GRIN2A: variants seen among roughly 807,000 people sequenced by gnomAD.
GRIN2A encodes the protein glutamate ionotropic receptor NMDA type subunit 2A.
In GRIN2A, 22 loss-of-function variants were observed where a neutral mutation model predicts 113.4. The observed-to-expected ratio is 0.19, with a 90% confidence interval of 0.14 to 0.28. The LOEUF is 0.28. Ranked by LOEUF, GRIN2A falls within the 10% of genes least tolerant of loss-of-function variation. The pLI is 1.00. For missense variants in GRIN2A, 1,502 were observed against 1,887.0 expected (o/e 0.80, Z 3.78); for synonymous variants, 827 against 738.4 (o/e 1.12, Z -1.94).
At chr16:9,932,165 C>T (rs563084992) in intron 3 of GRIN2A, among the ~76,000 whole-genome samples, 13 of 152,280 alleles carry the variant, frequency 8.5e-5, no homozygotes, top group African/African-American at 3.1e-4. Context: ...TTCCACTGGC[C>T]CCCAAACCTC....
At chr16:9,831,205 C>G (rs1011017911) in intron 8 of GRIN2A, among the ~76,000 whole-genome samples, 3 of 152,160 alleles carry the variant, frequency 2.0e-5, no homozygotes, top group Admixed American at 1.3e-4. Context: ...TGATGCCATC[C>G]TTTACAATAG....
rs1596376404 is a variant in GRIN2A, at chr16:9,764,259, G to T, written c.3285C>A (p.Pro1095=). ...NFKRSVASKY[P]KDCSEVERTY... is the part of the protein sequence containing the mutation. ...TGCGCTCGACCTCACTACAGTCCTT[G>T]GGGTATTTGGAGGCCACTGACCTTT... is the stretch of plus-strand genomic sequence containing the variant. Residue 1095 remains proline, a synonymous_variant, in exon 13 of 13, where the codon CCC becomes CCA. Coordinates refer to ENST00000330684, the MANE Select transcript of GRIN2A (RefSeq NM_001134407.3). 1 of 1,613,976 alleles carries T rather than the reference G, an allele frequency of 6.2e-7. No homozygotes were observed. Among genetic ancestry groups the T allele is most frequent in the Non-Finnish European group, 8.5e-7 (1 of 1,179,964 alleles).
chr16:9,866,747 C>T (rs773412817), intron 4 of GRIN2A, among the ~76,000 whole-genome samples: 2 of 152,146 alleles, frequency 1.3e-5, no homozygotes, highest in African/African-American at 4.8e-5. Context: ...AAACTGAAGG[C>T]CAGTTTTTTT....
At chr16:9,929,122 C>T (rs11074503) in intron 3 of GRIN2A, among the ~76,000 whole-genome samples, 33,492 of 152,190 alleles carry the variant, frequency 0.22, 4,116 homozygotes, top group Middle Eastern at 0.28. Context: ...TAAAGTTCCT[C>T]ATGGTTTAAA....
At chr16:9,848,058 A>G (rs2042808042) in intron 5 of GRIN2A, among the ~76,000 whole-genome samples, 1 of 146,876 alleles carries the variant, frequency 6.8e-6, no homozygotes, top group Non-Finnish European at 1.5e-5. Flanking sequence ...TAACATATAA[A>G]TATATATTTT....
intron 11 of GRIN2A, among the ~76,000 whole-genome samples, chr16:9,775,770 C>T (rs905079603): frequency 1.3e-5 from 2 of 152,188 alleles, no homozygotes; most frequent in African/African-American, 4.8e-5. Flanking sequence ...CTTAGTGGAC[C>T]CAAGGTTCTT....
At chr16:9,980,569 A>G (rs1170270797) in intron 2 of GRIN2A, among the ~76,000 whole-genome samples, 1 of 152,146 alleles carries the variant, frequency 6.6e-6, no homozygotes, top group Non-Finnish European at 1.5e-5. Context: ...TCACAATAGC[A>G]AAGACTTGGA....
chr16:10,174,376 C>G (rs909622219), intron 2 of GRIN2A, among the ~76,000 whole-genome samples: 1 of 152,166 alleles, frequency 6.6e-6, no homozygotes, highest in Non-Finnish European at 1.5e-5. Flanking sequence ...AAAATACACA[C>G]CCTCACAGAT....
intron 2 of GRIN2A, among the ~76,000 whole-genome samples, chr16:10,118,630 T>C (rs1193648955): frequency 2.0e-5 from 3 of 152,316 alleles, no homozygotes; most frequent in Middle Eastern, 3.4e-3. Flanking sequence ...GAAGAAAAGA[T>C]TCAAGTAGCA....
At chr16:9,798,719 T>C (rs746825205) in intron 10 of GRIN2A, among the ~76,000 whole-genome samples, 2 of 152,166 alleles carry the variant, frequency 1.3e-5, no homozygotes, top group Non-Finnish European at 2.9e-5. Flanking sequence ...GAGTAAACAG[T>C]TGAGTTTGCT....
At chr16:10,023,670 A>G (rs2046766817) in intron 2 of GRIN2A, among the ~76,000 whole-genome samples, 2 of 152,202 alleles carry the variant, frequency 1.3e-5, no homozygotes, top group South Asian at 4.1e-4. Flanking sequence ...TTGTGAGAAA[A>G]AAGTTTTCAG....
chr16:10,040,462 C>T (rs1170420242), intron 2 of GRIN2A, among the ~76,000 whole-genome samples: 3 of 150,918 alleles, frequency 2.0e-5, no homozygotes, highest in South Asian at 2.1e-4. Flanking sequence ...TATAAATCCA[C>T]GCCACACACA....
chr16:9,999,658 G>A (rs181454917), intron 2 of GRIN2A, among the ~76,000 whole-genome samples: 32 of 152,198 alleles, frequency 2.1e-4, no homozygotes, highest in East Asian at 1.5e-3. Flanking sequence ...GTTGATGAGC[G>A]CAGCAGACCA....
intron 2 of GRIN2A, among the ~76,000 whole-genome samples, chr16:9,992,836 G>T (rs530090616): frequency 2.6e-5 from 4 of 152,242 alleles, no homozygotes; most frequent in African/African-American, 9.6e-5. Flanking sequence ...CATACTACCT[G>T]GGACTGAAAT....
chr16:9,947,689 T>C (rs2045052505), intron 2 of GRIN2A, among the ~76,000 whole-genome samples: 1 of 152,174 alleles, frequency 6.6e-6, no homozygotes, highest in African/African-American at 2.4e-5. Flanking sequence ...GCACAGACAC[T>C]GGTACCAAAT....
chr16:10,074,060 G>A (rs186900366), intron 2 of GRIN2A, among the ~76,000 whole-genome samples: 2 of 152,232 alleles, frequency 1.3e-5, no homozygotes, highest in Non-Finnish European at 2.9e-5. Context: ...TTTAAAAAAG[G>A]CAAAGGGTCT....
chr16:10,114,241 A>G (rs1320747246), intron 2 of GRIN2A, among the ~76,000 whole-genome samples: 1 of 152,138 alleles, frequency 6.6e-6, no homozygotes, highest in Non-Finnish European at 1.5e-5. Context: ...CCTTCATAAA[A>G]CCACACAGTG....
chr16:9,949,953 G>A (rs1301676244), intron 2 of GRIN2A, among the ~76,000 whole-genome samples: 2 of 152,110 alleles, frequency 1.3e-5, no homozygotes, highest in African/African-American at 2.4e-5. Context: ...GGGCTCAGAG[G>A]TAGAACTGAG....
intron 2 of GRIN2A, among the ~76,000 whole-genome samples, chr16:10,056,764 A>G (rs2047463311): frequency 6.6e-6 from 1 of 152,186 alleles, no homozygotes; most frequent in African/African-American, 2.4e-5. Flanking sequence ...AACCACCAGA[A>G]GTTAGAAGAT....
Sources: gnomAD v4.1 joint callset for allele counts (sites outside exome capture counted in the v4.1 genomes callset) on GRCh38, gnomAD v4.1.1 for gene constraint, MANE v1.5 for transcripts, NCBI Gene and HGNC (gene_info 2026-07-23, HGNC 2026-07-21) for gene names.